The following ANKRD36 variants were observed in gnomAD, a reference collection of about 807,000 sequenced individuals.
ANKRD36 encodes the protein ankyrin repeat domain-containing protein 36A.
ANKRD36 carries 179 observed loss-of-function variants against 278.1 expected under a neutral mutation model. The observed-to-expected ratio is 0.64, with a 90% CI of 0.57 to 0.73. ANKRD36 has a LOEUF of 0.73. Among genes scored for constraint, ANKRD36 ranks in the 30% least tolerant of loss-of-function variants. The probability of loss-of-function intolerance (pLI) is 0.00; values close to 1 mark genes in which losing one functional copy is unlikely to be tolerated. For missense variants in ANKRD36, 1,159 were observed against 1,956.7 expected (o/e 0.59, Z 7.69); for synonymous variants, 320 against 641.1 (o/e 0.50, Z 7.57).
chr2:97,231,424 A>G (rs2072038012), intron 67 of ANKRD36, among the ~76,000 whole-genome samples: 1 of 152,166 alleles, frequency 6.6e-6, no homozygotes, highest in South Asian at 2.1e-4. Flanking sequence ...CCATGGGCGC[A>G]GGACCCTCTG....
In ANKRD36 at chr2:97,158,959, T is replaced by C. The variant is rs566322749; in HGVS notation, c.1389+304T>C. On this transcript the variant is annotated intron_variant, in intron 17 of 75. Transcript: ENST00000420699. ...AGTAAATGATTCTTAGGTTTGCCATTAGGGAAGGAAAGAAGTAGAAAGCAA... is the reference window on the plus strand; with the variant it reads ...AGTAAATGATTCTTAGGTTTGCCATCAGGGAAGGAAAGAAGTAGAAAGCAA... 5.0e-3 allele frequency among the ~76,000 whole-genome samples: 753 copies of C among 152,078 alleles called. 6 individuals are homozygous for C. The highest frequency in any genetic ancestry group is 0.017 in the African/African-American group (712 of 41,530).
At chr2:97,208,360 G>T (rs995163072) in intron 54 of ANKRD36, among the ~76,000 whole-genome samples, 48 of 146,558 alleles carry the variant, frequency 3.3e-4, no homozygotes, top group African/African-American at 1.1e-3. Context: ...ACTTCAGCTC[G>T]TACTGCCAAG....
In ANKRD36 at chr2:97,193,073, T is replaced by G; in HGVS notation, c.2449+20T>G. On this transcript the variant is annotated intron_variant, in intron 38 of 75. Coordinates refer to ENST00000420699, the MANE Select transcript of ANKRD36 (RefSeq NM_001354587.1). Reference sequence around the variant, plus strand: ...GGACAGGTAATTTTGAAAAGAGATTTAATGTCATGTTCAGTGCAGATAGAT... The same window carrying G: ...GGACAGGTAATTTTGAAAAGAGATTGAATGTCATGTTCAGTGCAGATAGAT... 1 of 1,524,784 alleles carries G rather than the reference T, an allele frequency of 6.6e-7. No homozygotes were observed. Among genetic ancestry groups the G allele is most frequent in the Non-Finnish European group, 8.9e-7 (1 of 1,129,386 alleles). 94.5% of individuals were successfully genotyped at this position (1,524,784 alleles called of 1,614,324 possible).
At chr2:97,199,053 T>C (rs1272721427) in intron 44 of ANKRD36, among the ~76,000 whole-genome samples, 2 of 151,908 alleles carry the variant, frequency 1.3e-5, no homozygotes, top group African/African-American at 4.8e-5. Context: ...TAACAACCCG[T>C]AGACACTGTA....
chr2:97,113,935 A>G lies in ANKRD36; in HGVS notation c.196A>G (p.Arg66Gly). The change falls in exon 1 of 76, where the codon AGG (arginine) becomes GGG (glycine). Residue 66 changes from arginine (R) to glycine (G), a missense_variant and splice_region_variant. Transcript: ENST00000420699. ...CGCCAATAAGAGAGACAGGAAGGAAAGGTAATGGGGGCCGGGAGCCGGGGC... is the reference window on the plus strand; with the variant it reads ...CGCCAATAAGAGAGACAGGAAGGAAGGGTAATGGGGGCCGGGAGCCGGGGC... Reference protein sequence around the residue: ...YDANKRDRKERTALHLACATG... With the variant: ...YDANKRDRKEGTALHLACATG... The G allele has an allele frequency of 6.2e-7, 1 of 1,610,214 alleles. No homozygotes were observed. The highest frequency in any genetic ancestry group is 1.1e-5 in the South Asian group (1 of 90,748).
intron 11 of ANKRD36, 29 bp from the exon 12 acceptor site, chr2:97,149,266 C>A: frequency 6.6e-7 from 1 of 1,522,090 alleles, no homozygotes; most frequent in Non-Finnish European, 8.8e-7. Context: ...TGAATGAGCT[C>A]ATTTTTGTAA....
chr2:97,199,706 A>G (rs1407092967), intron 44 of ANKRD36, among the ~76,000 whole-genome samples: 1 of 151,914 alleles, frequency 6.6e-6, no homozygotes, highest in East Asian at 1.9e-4. Flanking sequence ...TCGGAAGGGT[A>G]AACTAGTGGA....
chr2:97,122,408 G>C (rs1364094136), intron 3 of ANKRD36, among the ~76,000 whole-genome samples: 3 of 147,698 alleles, frequency 2.0e-5, no homozygotes, highest in African/African-American at 7.4e-5. Context: ...TCAAATTCTG[G>C]TAAAGTAAAT....
At chr2:97,213,053 A>G (rs2065090587) in intron 58 of ANKRD36, 1 of 480,672 alleles carries the variant, frequency 2.1e-6, no homozygotes, top group South Asian at 2.3e-5. Context: ...CATGGAAGAC[A>G]TGTGGCATCA....
At chr2:97,230,795 G>A (rs1459567157) in intron 67 of ANKRD36, among the ~76,000 whole-genome samples, 31 of 152,034 alleles carry the variant, frequency 2.0e-4, no homozygotes, top group African/African-American at 7.5e-4. Flanking sequence ...CTTTGATGAT[G>A]GTGATGTACA....
At chr2:97,179,391 T>C (rs1454151891) in intron 22 of ANKRD36, among the ~76,000 whole-genome samples, 3 of 151,678 alleles carry the variant, frequency 2.0e-5, no homozygotes, top group Non-Finnish European at 4.4e-5. Context: ...GCTTTGACGT[T>C]GATTCCCAGG....
At chr2:97,206,237 G>C (rs1307163070) in intron 52 of ANKRD36, 102 bp downstream of exon 52, 1 of 1,257,890 alleles carries the variant, frequency 7.9e-7, no homozygotes, top group Non-Finnish European at 1.1e-6. Flanking sequence ...TGCACTTTCT[G>C]ATTCAGCAGG....
rs761124683 is a variant in ANKRD36 at position 97,190,963 on chromosome 2, C to T, written c.2246-15C>T. On this transcript the variant is annotated splice_polypyrimidine_tract_variant and intron_variant, in intron 34 of 75. Coordinates refer to ENST00000420699, the MANE Select transcript of ANKRD36 (RefSeq NM_001354587.1). The stretch of plus-strand genomic sequence containing the variant: ...TTTATATATGAGTGATTATGTATCC[C>T]TTTTTGCTTTTCAGTGTCTTCTCAG... The T allele has an allele frequency of 1.9e-6, 3 of 1,603,254 alleles. 1 individual carries two copies. The highest frequency in any genetic ancestry group is 4.5e-5 in the East Asian group (2 of 44,344).
At chr2:97,142,978 G>A (rs1435466974) in intron 8 of ANKRD36, 143 bp downstream of exon 8, 129 of 1,155,736 alleles carry the variant, frequency 1.1e-4, no homozygotes, top group Non-Finnish European at 1.5e-4. Context: ...TAAGTTCTCG[G>A]GTGACGCCGA....
In ANKRD36 at chr2:97,192,977, T is replaced by A. The variant is rs1375152640; in HGVS notation, c.2377-4T>A. Reference sequence around the variant, plus strand: ...TTTATTATTTCATTTGAAATTCCATTCAGGCTACAAGTGACGAGGAAGGTT... The same window carrying A: ...TTTATTATTTCATTTGAAATTCCATACAGGCTACAAGTGACGAGGAAGGTT... On this transcript the variant is annotated splice_region_variant and splice_polypyrimidine_tract_variant and intron_variant, in intron 37 of 75. Transcript: ENST00000420699. 20 of 1,584,004 alleles carry A rather than the reference T, an allele frequency of 1.3e-5. No individual in the cohort carries two copies. The highest frequency in any genetic ancestry group is 1.6e-5 in the Non-Finnish European group (19 of 1,165,176).
chr2:97,196,928 C>T lies in ANKRD36; in HGVS notation c.2653+140C>T, dbSNP rs2059929260. The stretch of plus-strand genomic sequence containing the variant: ...GGAGATTCTTCATTTGCAGTAGGTT[C>T]TTGGGTGATGCTGATGCTGCTGGTC... On this transcript the variant is annotated intron_variant, in intron 42 of 75. Transcript: ENST00000420699. The T allele has an allele frequency of 5.9e-6, 8 of 1,351,068 alleles. No homozygotes were observed. In the Admixed American group the frequency reaches 1.2e-4, roughly 21 times the overall value. The allele number at this position is 1,351,068 out of a possible 1,614,324, so 83.7% of individuals were successfully genotyped here.
intron 72 of ANKRD36, chr2:97,248,588 T>G (rs1463401153): frequency 7.9e-6 from 1 of 126,530 alleles, no homozygotes; most frequent in Non-Finnish European, 1.5e-5. Context: ...GATGCTTAGT[T>G]TTAAATATTT....
chr2:97,163,255 A>G, intron 18 of ANKRD36: 2 of 452,262 alleles, frequency 4.4e-6, no homozygotes, highest in South Asian at 3.1e-5. Context: ...CAACAGAGCA[A>G]GACTCCATGT....
intron 22 of ANKRD36, among the ~76,000 whole-genome samples, chr2:97,176,670 G>T (rs550568671): frequency 6.6e-6 from 1 of 150,602 alleles, no homozygotes; most frequent in Non-Finnish European, 1.5e-5. Flanking sequence ...CTGTCATTAC[G>T]ATGTTAGCTG....
Sources: gnomAD v4.1 joint callset for allele counts (sites outside exome capture counted in the v4.1 genomes callset) on GRCh38, gnomAD v4.1.1 for gene constraint, MANE v1.5 for transcripts, NCBI Gene and HGNC (gene_info 2026-07-23, HGNC 2026-07-21) for gene names.